The following RPS6KA3 variants were observed in gnomAD, a reference collection of about 807,000 sequenced individuals.
RPS6KA3 encodes the protein ribosomal protein S6 kinase alpha-3.
In RPS6KA3, 4 loss-of-function variants were observed where a neutral mutation model predicts 67.2. The observed-to-expected ratio is 0.06, with a 90% CI of 0.03 to 0.14. The LOEUF (loss-of-function observed/expected upper bound fraction) is 0.14. Ranked by LOEUF, RPS6KA3 falls within the 10% of genes least tolerant of loss-of-function variation. The probability of loss-of-function intolerance (pLI) is 1.00; values close to 1 mark genes in which losing one functional copy is unlikely to be tolerated. For missense variants in RPS6KA3, 204 were observed against 559.0 expected (o/e 0.36, Z 6.40); for synonymous variants, 182 against 183.7 (o/e 0.99, Z 0.07).
At chrX:20,156,919 A>G (rs1055038645) in intron 20 of RPS6KA3, among the ~76,000 whole-genome samples, 2 of 111,303 alleles carry the variant, frequency 1.8e-5, no homozygotes, top group Non-Finnish European at 3.8e-5. Context: ...TGAATGTCCA[A>G]TAACAGGAAT....
intron 2 of RPS6KA3, among the ~76,000 whole-genome samples, chrX:20,216,136 A>G (rs1423408427): frequency 8.9e-6 from 1 of 112,209 alleles, no homozygotes; most frequent in Non-Finnish European, 1.9e-5. Flanking sequence ...CAAAAAACTT[A>G]CTTTGTGCAT....
chrX:20,162,901 T>C, intron 19 of RPS6KA3, 63 bp downstream of exon 19: 1 of 797,229 alleles, frequency 1.3e-6, no homozygotes, highest in Non-Finnish European at 1.9e-6. Flanking sequence ...AAAACCTAGA[T>C]AACTTAAGCA....
chrX:20,266,718 A>ACGGCAG lies in RPS6KA3; in HGVS notation c.-92_-87dup, dbSNP rs2070400011. 2 of 580,866 alleles carry ACGGCAG rather than the reference A, an allele frequency of 3.4e-6. No individual in the cohort carries two copies. The highest frequency in any genetic ancestry group is 9.0e-4 in the Middle Eastern group (1 of 1,111). The allele number at this position is 580,866 out of a possible 1,213,427, so 47.9% of individuals were successfully genotyped here. On this transcript the variant is annotated 5_prime_UTR_variant, in exon 1 of 22. Coordinates refer to ENST00000379565, the MANE Select transcript of RPS6KA3 (RefSeq NM_004586.3). ...CCCGCTCCGTCGCCGCCCGAGCCCC[A>ACGGCAG]CGGCAGCGGCGGCGGCGGCGGCGGC...
At chrX:20,191,231 T>C (rs113508742) in intron 7 of RPS6KA3, among the ~76,000 whole-genome samples, 4 of 111,971 alleles carry the variant, frequency 3.6e-5, no homozygotes, top group African/African-American at 9.7e-5. Flanking sequence ...CAGTATTCCA[T>C]GGTGTATATG....
chrX:20,169,386 T>A lies in RPS6KA3; in HGVS notation c.1443+16A>T. 1.0e-6 allele frequency: 1 copy of A among 1,002,219 alleles called. No homozygotes were observed. Among genetic ancestry groups the A allele is most frequent in the Non-Finnish European group, 1.4e-6 (1 of 704,200 alleles). The allele number at this position is 1,002,219 out of a possible 1,213,427, so 82.6% of individuals were successfully genotyped here. On this transcript the variant is annotated intron_variant, in intron 16 of 21. Transcript: ENST00000379565. ...GACAACTGATTCAAATGATCCATAT[T>A]AAAGAATCTACTTACATCCTTTAGA...
At position 20,154,680 on chromosome X, in the gene RPS6KA3, C is replaced by A. The variant is rs778778228; in HGVS notation, c.*718G>T. 1.8e-5 allele frequency: 2 copies of A among 113,447 alleles called. No individual in the cohort carries two copies. The highest frequency in any genetic ancestry group is 3.6e-4 in the South Asian group (1 of 2,781). The allele number at this position is 113,447 out of a possible 1,213,427, so 9.3% of individuals were successfully genotyped here. On this transcript the variant is annotated 3_prime_UTR_variant, in exon 22 of 22. Coordinates refer to ENST00000379565, the MANE Select transcript of RPS6KA3 (RefSeq NM_004586.3). ...TCTCTAGGTTAGTCTGACAGAGCAC[C>A]TGACTTTAAGAAACAAACAAATGAA...
At chrX:20,263,165 A>G (rs1312386445) in intron 1 of RPS6KA3, among the ~76,000 whole-genome samples, 2 of 111,674 alleles carry the variant, frequency 1.8e-5, no homozygotes, top group African/African-American at 3.3e-5. Context: ...AACCTCCATA[A>G]TTTTATCATT....
At chrX:20,158,263 G>T (rs1199823961) in intron 20 of RPS6KA3, among the ~76,000 whole-genome samples, 3 of 106,828 alleles carry the variant, frequency 2.8e-5, no homozygotes, top group African/African-American at 1.0e-4. Context: ...TGTTCAGGAG[G>T]CTGAGGTGGG....
At chrX:20,260,273 A>C (rs1177347091) in intron 1 of RPS6KA3, among the ~76,000 whole-genome samples, 1 of 111,806 alleles carries the variant, frequency 8.9e-6, no homozygotes, top group African/African-American at 3.2e-5. Context: ...AATACACTAT[A>C]TTTCATTGAT....
intron 13 of RPS6KA3, among the ~76,000 whole-genome samples, chrX:20,175,670 C>T (rs1346395740): frequency 9.0e-6 from 1 of 111,405 alleles, no homozygotes; most frequent in African/African-American, 3.3e-5. Context: ...ACATTTGAAA[C>T]GTGCCTAGCG....
At chrX:20,253,194 C>T (rs1361912988) in intron 1 of RPS6KA3, among the ~76,000 whole-genome samples, 5 of 100,586 alleles carry the variant, frequency 5.0e-5, no homozygotes, top group East Asian at 3.4e-4. Context: ...CAGCCCACAC[C>T]ACTGGGTTGG....
In RPS6KA3 at chrX:20,152,930, C is replaced by T. The variant is rs950382498; in HGVS notation, c.*2468G>A. On this transcript the variant is annotated 3_prime_UTR_variant, in exon 22 of 22. Transcript: ENST00000379565. ...TGGTGATCATATGAGGGAAAGGCAGCATGGTGTGATGAGGCGGAAAAAAAC... is the reference window on the plus strand; with the variant it reads ...TGGTGATCATATGAGGGAAAGGCAGTATGGTGTGATGAGGCGGAAAAAAAC... The T allele has an allele frequency of 1.8e-5, 2 of 111,068 alleles. No individual in the cohort carries two copies. The highest frequency in any genetic ancestry group is 3.8e-5 in the Non-Finnish European group (2 of 53,062). 9.2% of individuals were successfully genotyped at this position (111,068 alleles called of 1,213,427 possible).
chrX:20,255,176 T>C (rs982467110), intron 1 of RPS6KA3, among the ~76,000 whole-genome samples: 4 of 112,019 alleles, frequency 3.6e-5, no homozygotes, highest in Non-Finnish European at 7.5e-5. Flanking sequence ...TCTTCCTACA[T>C]GCTACAACAT....
chrX:20,171,276 A>G (rs2067567192), intron 15 of RPS6KA3, among the ~76,000 whole-genome samples: 1 of 111,899 alleles, frequency 8.9e-6, no homozygotes, highest in African/African-American at 3.2e-5. Flanking sequence ...AGCACTCCCA[A>G]GTCCTGTGTT....
At chrX:20,190,818 T>A (rs1268002415) in intron 7 of RPS6KA3, among the ~76,000 whole-genome samples, 3 of 111,004 alleles carry the variant, frequency 2.7e-5, no homozygotes, top group African/African-American at 6.5e-5. Context: ...GAGTTCCAGA[T>A]GAGCATTTCC....
intron 16 of RPS6KA3, 67 bp downstream of exon 16, chrX:20,169,335 A>G: frequency 1.4e-6 from 1 of 736,699 alleles, no homozygotes; most frequent in Non-Finnish European, 2.2e-6. Flanking sequence ...TGATTTTTGA[A>G]AATACACTAC....
chrX:20,170,393 G>C (rs1473354299), intron 15 of RPS6KA3, among the ~76,000 whole-genome samples: 1 of 110,682 alleles, frequency 9.0e-6, no homozygotes, highest in Non-Finnish European at 1.9e-5. Context: ...TATCTGAAAT[G>C]GATTTATAGT....
chrX:20,216,200 T>C (rs993571607), intron 2 of RPS6KA3, among the ~76,000 whole-genome samples: 36 of 111,742 alleles, frequency 3.2e-4, no homozygotes, highest in Non-Finnish European at 1.5e-4. Flanking sequence ...GACTGTTGAT[T>C]TGATAAGCAA....
intron 1 of RPS6KA3, among the ~76,000 whole-genome samples, chrX:20,256,052 G>C (rs1262399985): frequency 1.9e-5 from 2 of 105,282 alleles, no homozygotes; most frequent in African/African-American, 6.9e-5. Context: ...AGAGGTTGCA[G>C]TGAGCCAAGA....
Sources: gnomAD v4.1 joint callset for allele counts (sites outside exome capture counted in the v4.1 genomes callset) on GRCh38, gnomAD v4.1.1 for gene constraint, MANE v1.5 for transcripts, NCBI Gene and HGNC (gene_info 2026-07-23, HGNC 2026-07-21) for gene names.